DNAH14: variants seen among roughly 807,000 people sequenced by gnomAD.
DNAH14 encodes the protein dynein axonemal heavy chain 14, also known as axonemal beta dynein heavy chain 14.
In DNAH14, 478 loss-of-function variants were observed where a neutral mutation model predicts 520.9. The ratio of observed to expected loss-of-function variants is 0.92; its 90% CI spans 0.85 to 0.99. The LOEUF (loss-of-function observed/expected upper bound fraction) is 0.99. DNAH14 is among the 50% of genes least tolerant of loss of function. The pLI, the probability that DNAH14 is intolerant of heterozygous loss-of-function variation, is 0.00. For missense variants in DNAH14, 4,831 were observed against 5,234.5 expected (o/e 0.92, Z 2.38); for synonymous variants, 1,581 against 1,757.2 (o/e 0.90, Z 2.51).
At chr1:225,099,395 C>T (rs1474456343) in intron 22 of DNAH14, among the ~76,000 whole-genome samples, 1 of 152,116 alleles carries the variant, frequency 6.6e-6, no homozygotes, top group African/African-American at 2.4e-5. Flanking sequence ...GATTTTCAAC[C>T]AGCGGTAATT....
chr1:225,252,228 G>T, intron 43 of DNAH14, 73 bp from the exon 44 acceptor site: 1 of 808,768 alleles, frequency 1.2e-6, no homozygotes, highest in Non-Finnish European at 2.1e-6. Context: ...CTTTCAGAGA[G>T]AGTTTACATG....
chr1:224,965,287 A>G (rs917775854), intron 5 of DNAH14, among the ~76,000 whole-genome samples: 3 of 152,086 alleles, frequency 2.0e-5, no homozygotes, highest in Admixed American at 6.6e-5. Context: ...CTTACTAGAC[A>G]TACACATTCT....
intron 1 of DNAH14, among the ~76,000 whole-genome samples, chr1:224,945,641 A>C (rs1290545051): frequency 1.3e-5 from 2 of 152,178 alleles, no homozygotes; most frequent in African/African-American, 4.8e-5. Flanking sequence ...TTGGTCTTTG[A>C]TGATGGTGAC....
At chr1:225,311,486 G>A (rs552870731) in intron 60 of DNAH14, among the ~76,000 whole-genome samples, 34 of 152,200 alleles carry the variant, frequency 2.2e-4, no homozygotes, top group African/African-American at 6.7e-4. Flanking sequence ...GGCTTTTGTT[G>A]CAATTGCTTT....
intron 1 of DNAH14, among the ~76,000 whole-genome samples, chr1:224,939,175 G>A (rs1078794): frequency 0.096 from 14,600 of 152,220 alleles, 2,263 homozygotes; most frequent in African/African-American, 0.33. Flanking sequence ...ATACTTGACT[G>A]ACAGTTATTT....
intron 17 of DNAH14, among the ~76,000 whole-genome samples, chr1:225,058,548 T>C (rs1294659890): frequency 6.6e-6 from 1 of 152,234 alleles, no homozygotes; most frequent in African/African-American, 2.4e-5. Context: ...TGCTCTGATC[T>C]AAGTTATTTC....
At chr1:225,274,284 A>C (rs1400910142) in intron 52 of DNAH14, among the ~76,000 whole-genome samples, 1 of 141,078 alleles carries the variant, frequency 7.1e-6, no homozygotes, top group African/African-American at 2.7e-5. Context: ...TGCTCACTGC[A>C]AGCTCCGCCT....
chr1:224,948,083 ATTTG>A (rs1280958446), intron 1 of DNAH14, among the ~76,000 whole-genome samples: 3 of 151,774 alleles, frequency 2.0e-5, no homozygotes, highest in Admixed American at 1.3e-4. Flanking sequence ...TAATGTTTTC[ATTTG>A]TTTGTTTGCT....
chr1:225,186,812 AATTT>A (rs1218256855), intron 37 of DNAH14, among the ~76,000 whole-genome samples: 2 of 151,828 alleles, frequency 1.3e-5, no homozygotes, highest in South Asian at 2.1e-4. Flanking sequence ...ACTATACTAT[AATTT>A]ATTTAATGAT....
intron 11 of DNAH14, among the ~76,000 whole-genome samples, chr1:225,025,640 A>G (rs1035248311): frequency 1.3e-5 from 2 of 152,060 alleles, no homozygotes; most frequent in Admixed American, 1.3e-4. Flanking sequence ...CTGTAGTCCC[A>G]GCTCCTCGGG....
chr1:225,246,495 C>T (rs1408571166), intron 43 of DNAH14, among the ~76,000 whole-genome samples: 4 of 151,946 alleles, frequency 2.6e-5, no homozygotes, highest in African/African-American at 9.7e-5. Flanking sequence ...AAGGGGCTAA[C>T]ATCCAGAATC....
intron 41 of DNAH14, among the ~76,000 whole-genome samples, chr1:225,211,220 C>T (rs140607774): frequency 5.1e-4 from 78 of 152,302 alleles, no homozygotes; most frequent in African/African-American, 1.8e-3. Context: ...GCTACAGGAG[C>T]ATGTTCCAAC....
At chr1:225,070,730 C>A (rs553861322) in intron 17 of DNAH14, among the ~76,000 whole-genome samples, 2 of 151,998 alleles carry the variant, frequency 1.3e-5, no homozygotes, top group Non-Finnish European at 2.9e-5. Context: ...TCCATTTGAT[C>A]CAGTGCTGGG....
chr1:224,945,078 T>C lies in DNAH14; in HGVS notation c.-33-7592T>C, dbSNP rs550031261. On this transcript the variant is annotated intron_variant, in intron 1 of 85. Transcript: ENST00000682510. ...GGGGAAGTTCTCCTGTATAATATCC[T>C]GCAGAGTGTTTTCCAACTTGGTTCC... 3.9e-5 allele frequency among the ~76,000 whole-genome samples: 6 copies of C among 152,374 alleles called. No homozygotes were observed. In the South Asian group the frequency reaches 8.3e-4, roughly 21 times the overall value.
chr1:225,338,575 T>C (rs980221908), intron 68 of DNAH14, among the ~76,000 whole-genome samples: 1 of 152,140 alleles, frequency 6.6e-6, no homozygotes, highest in Non-Finnish European at 1.5e-5. Context: ...ATTTAATATC[T>C]AGAGCAAAAA....
At chr1:225,279,691 A>G (rs1242075294) in intron 54 of DNAH14, among the ~76,000 whole-genome samples, 1 of 152,170 alleles carries the variant, frequency 6.6e-6, no homozygotes, top group African/African-American at 2.4e-5. Context: ...AATTTAAGGC[A>G]TTGGTTTAAA....
At chr1:225,334,884 A>ATGTGTGTGTGTGTG (rs1218533136) in intron 66 of DNAH14, among the ~76,000 whole-genome samples, 9 of 143,156 alleles carry the variant, frequency 6.3e-5, no homozygotes, top group Non-Finnish European at 1.4e-4. Flanking sequence ...CTACATATAT[A>ATGTGTGTGTGTGTG]TGTGTGTGTG....
chr1:225,000,395 G>A (rs2063677957), intron 8 of DNAH14, among the ~76,000 whole-genome samples: 1 of 151,448 alleles, frequency 6.6e-6, no homozygotes, highest in South Asian at 2.1e-4. Context: ...AGTTCCCTTA[G>A]CTTCTTGAAT....
chr1:225,385,100 T>C (rs1323128756), intron 81 of DNAH14, among the ~76,000 whole-genome samples: 3 of 152,074 alleles, frequency 2.0e-5, no homozygotes, highest in Non-Finnish European at 2.9e-5. Context: ...ACGTAATCCA[T>C]CATGTAAACA....
Sources: allele counts gnomAD v4.1 joint callset (sites outside exome capture counted in the v4.1 genomes callset), GRCh38; gene constraint gnomAD v4.1.1; transcripts MANE v1.5; gene names NCBI Gene and HGNC (gene_info 2026-07-23, HGNC 2026-07-21).